Variants in SYNE1 observed in about 807,000 individuals in gnomAD.
SYNE1 encodes spectrin repeat containing nuclear envelope protein 1.
SYNE1 carries 616 observed loss-of-function variants against 1,111.0 expected under a neutral mutation model. The observed-to-expected ratio is 0.55, with a 90% CI of 0.52 to 0.59. The LOEUF is 0.59. Among genes scored for constraint, SYNE1 ranks in the 20% least tolerant of loss-of-function variants. SYNE1 has a pLI of 0.00. For missense variants in SYNE1, 10,006 were observed against 10,417.0 expected, an observed-to-expected ratio of 0.96 and a Z score of 1.72; for synonymous variants, 3,855 against 3,825.8, an observed-to-expected ratio of 1.01 and a Z score of -0.28.
intron 115 of SYNE1, 26 bp downstream of exon 115, chr6:152,230,521 G>A (rs561606493): frequency 1.2e-6 from 2 of 1,611,528 alleles, no homozygotes; most frequent in African/African-American, 1.3e-5. Flanking sequence ...GTGAGATGGT[G>A]CATGTTAGCC....
Position 152,471,642 on chromosome 6 carries a change from C to A in SYNE1, c.1587G>T (p.Lys529Asn). The A allele has an allele frequency of 6.2e-7, 1 of 1,614,008 alleles. No homozygotes were observed. The highest frequency in any genetic ancestry group is 1.3e-5 in the African/African-American group (1 of 75,042). ...AESKLKSWII[K>N]YGRRESVEQL... is the part of the protein sequence containing the mutation. ...GCTCCACTGACTCTCTCCTCCCGTA[C>A]TTAATGATCCAAGACTTCAGCTTTG... Residue 529 changes from lysine to asparagine, a missense_variant, in exon 16 of 146, where the codon AAG becomes AAT. This residue lies in a region of SYNE1 where 1,971 missense variants were observed against 2,084.1 expected (regional missense o/e 0.95). Coordinates refer to ENST00000367255, the MANE Select transcript of SYNE1 (RefSeq NM_182961.4).
intron 3 of SYNE1, among the ~76,000 whole-genome samples, chr6:152,544,006 A>G (rs1486162784): frequency 6.6e-6 from 1 of 152,248 alleles, no homozygotes; most frequent in Admixed American, 6.5e-5. Context: ...TCATTAAGCT[A>G]CACATGACTT....
At chr6:152,484,620 A>T (rs952258823) in intron 13 of SYNE1, among the ~76,000 whole-genome samples, 6 of 152,202 alleles carry the variant, frequency 3.9e-5, no homozygotes, top group South Asian at 2.1e-4. Flanking sequence ...ACATAGAGGG[A>T]AGCCAAGGCA....
At chr6:152,518,921 A>C (rs2099125582) in intron 6 of SYNE1, among the ~76,000 whole-genome samples, 1 of 151,530 alleles carries the variant, frequency 6.6e-6, no homozygotes, top group Non-Finnish European at 1.5e-5. Flanking sequence ...GTTAATAAAC[A>C]TATACAATTG....
chr6:152,580,595 G>A (rs1203555071), intron 3 of SYNE1, among the ~76,000 whole-genome samples: 1 of 152,170 alleles, frequency 6.6e-6, no homozygotes. Context: ...CAGGGCCTAT[G>A]TCTAGAATAG....
chr6:152,298,534 C>G (rs966537393), intron 93 of SYNE1, among the ~76,000 whole-genome samples: 1 of 151,848 alleles, frequency 6.6e-6, no homozygotes, highest in African/African-American at 2.4e-5. Context: ...TAACGGAGAT[C>G]TACTTGCAGG....
chr6:152,407,817 A>G (rs1049293324), intron 44 of SYNE1, among the ~76,000 whole-genome samples: 3 of 146,510 alleles, frequency 2.0e-5, no homozygotes, highest in African/African-American at 7.7e-5. Flanking sequence ...GCTAGAGCGC[A>G]GTGGTGCGAT....
intron 130 of SYNE1, among the ~76,000 whole-genome samples, chr6:152,170,787 T>C (rs902280513): frequency 6.6e-6 from 1 of 152,236 alleles, no homozygotes; most frequent in Admixed American, 6.5e-5. Flanking sequence ...ACATATTCTA[T>C]GCTTAGCGGT....
chr6:152,176,464 A>G lies in SYNE1; in HGVS notation c.23557T>C (p.Ser7853Pro), dbSNP rs777862390. 1 of 1,614,154 alleles carries G rather than the reference A, an allele frequency of 6.2e-7. No homozygotes were observed. Among genetic ancestry groups the G allele is most frequent in the Non-Finnish European group, 8.5e-7 (1 of 1,180,014 alleles). The change falls in exon 130 of 146, where the codon TCT becomes CCT. Residue 7853 changes from serine (S) to proline (P), a missense_variant. Physicochemically the swap from Ser to Pro is moderately conservative, Grantham distance 74. Around this residue, in one of 7 missense-constraint regions of SYNE1, gnomAD observed 2,182 missense variants for 2,287.8 expected, o/e 0.95. Coordinates refer to ENST00000367255, the MANE Select transcript of SYNE1 (RefSeq NM_182961.4). ...TTTCCCAGCTTGTATTCAATCTCAG[A>G]TGCTTTGCTTTCATGGCTGGCTTTA... Reference protein sequence around the residue: ...LAKASHESKASEIEYKLGKVN... With the variant: ...LAKASHESKAPEIEYKLGKVN...
intron 3 of SYNE1, among the ~76,000 whole-genome samples, chr6:152,553,612 T>C (rs566958666): frequency 1.3e-5 from 2 of 152,218 alleles, no homozygotes; most frequent in South Asian, 4.2e-4. Flanking sequence ...CTATCCTCAT[T>C]CTCAGCCCAT....
At chr6:152,342,492 A>G (rs544442272) in intron 74 of SYNE1, among the ~76,000 whole-genome samples, 1 of 152,228 alleles carries the variant, frequency 6.6e-6, no homozygotes, top group Non-Finnish European at 1.5e-5. Context: ...AAATATGAAC[A>G]CTTTTGTGAA....
intron 126 of SYNE1, among the ~76,000 whole-genome samples, chr6:152,204,097 C>A (rs1481948313): frequency 6.6e-6 from 1 of 152,060 alleles, no homozygotes; most frequent in African/African-American, 2.4e-5. Flanking sequence ...GGTGCTGTGA[C>A]CCACACCTAT....
intron 37 of SYNE1, 132 bp downstream of exon 37, chr6:152,428,073 A>C: frequency 7.7e-7 from 1 of 1,300,478 alleles, no homozygotes; most frequent in Non-Finnish European, 1.1e-6. Context: ...ACAAAGATCA[A>C]GAGTTTCCTA....
In SYNE1 at chr6:152,510,279, G is replaced by T. The variant is rs567913785; in HGVS notation, c.495C>A (p.Ser165Arg). The stretch of plus-strand genomic sequence containing the variant: ...TGGTCACCTTCCGTTTACTTGGTGG[G>T]CTGGGAGTCTCAGAGCTAACTATGC... ...VDSIVSSETP[S>R]PPSKRKVTTK... The change falls in exon 8 of 146, where the codon AGC (serine) becomes AGA (arginine). Residue 165 changes from serine (S) to arginine (R), a missense_variant. By Grantham distance (110) the Ser-to-Arg change is moderately radical (BLOSUM62 -1). This residue lies in a region of SYNE1 where 1,971 missense variants were observed against 2,084.1 expected (regional missense o/e 0.95). Transcript: ENST00000367255. 15 of 1,614,028 alleles carry T rather than the reference G, an allele frequency of 9.3e-6. No homozygotes were observed. The African/African-American group carries it at 1.9e-4, about 20-fold the overall frequency.
intron 91 of SYNE1, among the ~76,000 whole-genome samples, chr6:152,307,198 G>A (rs1424932751): frequency 6.6e-6 from 1 of 152,142 alleles, no homozygotes; most frequent in African/African-American, 2.4e-5. Flanking sequence ...CATAGATGAT[G>A]TCTACAGTTG....
At position 152,255,017 on chromosome 6, in the gene SYNE1, G is replaced by A. The variant is rs768586935; in HGVS notation, c.19333C>T (p.Pro6445Ser). ...KNKNLFSQAF[P>S]ENGDNRDVIE... ...ACATCTCGATTATCACCATTCTCTG[G>A]AAAAGCTTGGGAAAACAAGTTTTTG... The change falls in exon 104 of 146, where the codon CCA (proline) becomes TCA (serine). Residue 6445 changes from proline to serine, a missense_variant. Pro to Ser is a moderately conservative substitution (Grantham distance 74). Around this residue, in one of 7 missense-constraint regions of SYNE1, gnomAD observed 2,182 missense variants for 2,287.8 expected, o/e 0.95. Coordinates refer to ENST00000367255, the MANE Select transcript of SYNE1 (RefSeq NM_182961.4). 1 of 1,613,334 alleles carries A rather than the reference G, an allele frequency of 6.2e-7. No individual in the cohort carries two copies. The highest frequency in any genetic ancestry group is 2.2e-5 in the East Asian group (1 of 44,836).
At chr6:152,153,698 C>A (rs1173262972) in intron 133 of SYNE1, among the ~76,000 whole-genome samples, 1 of 152,112 alleles carries the variant, frequency 6.6e-6, no homozygotes. Context: ...GTTTACTGTG[C>A]TTTTTACTAG....
In SYNE1 at chr6:152,230,273, C is replaced by A. The variant is rs573119570; in HGVS notation, c.21195+274G>T. Among the ~76,000 whole-genome samples the A allele has an allele frequency of 2.0e-5, 3 of 152,150 alleles. No individual in the cohort carries two copies. The South Asian group carries it at 6.2e-4, about 32-fold the overall frequency. Reference sequence around the variant, plus strand: ...CTGCAAATCTTGACAATTATTAAATCTGATGCTCAGTATACAGGGTTCATA... The same window carrying A: ...CTGCAAATCTTGACAATTATTAAATATGATGCTCAGTATACAGGGTTCATA... On this transcript the variant is annotated intron_variant, in intron 115 of 145. Transcript: ENST00000367255.
At chr6:152,134,021 C>T (rs1187838537) in intron 142 of SYNE1, 1 of 160,748 alleles carries the variant, frequency 6.2e-6, no homozygotes, top group East Asian at 1.8e-4. Flanking sequence ...TAAAAGGTAC[C>T]AATTCTGTAG....
Sources: allele counts gnomAD v4.1 joint callset (sites outside exome capture counted in the v4.1 genomes callset), GRCh38; gene constraint gnomAD v4.1.1; regional missense constraint gnomAD v4.1.1; transcripts MANE v1.5; gene names NCBI Gene and HGNC (gene_info 2026-07-23, HGNC 2026-07-21).